The following BCL11A variants were observed in gnomAD, a reference collection of about 807,000 sequenced individuals.
The protein encoded by BCL11A is BCL11 transcription factor A.
A neutral mutation model predicts 55.9 loss-of-function variants in BCL11A; 2 were observed. The observed-to-expected ratio is 0.04, with a 90% CI of 0.01 to 0.11. The LOEUF (loss-of-function observed/expected upper bound fraction) is 0.11. Among genes scored for constraint, BCL11A ranks in the 10% least tolerant of loss-of-function variants. The pLI is 1.00. For missense variants in BCL11A, 817 were observed against 1,137.1 expected (o/e 0.72, Z 4.05); for synonymous variants, 465 against 473.4 (o/e 0.98, Z 0.23).
chr2:60,534,365 A>G (rs1669581937), intron 2 of BCL11A: 1 of 152,248 alleles, frequency 6.6e-6, no homozygotes, highest in African/African-American at 2.4e-5. Flanking sequence ...CTATCTAAAG[A>G]AGAAACCTAA....
At chr2:60,456,060 G>A (rs1237401091), downstream of BCL11A, among the ~76,000 whole-genome samples, 1 of 151,842 alleles carries the variant, frequency 6.6e-6, no homozygotes, top group African/African-American at 2.4e-5. Context: ...ACCCAAACTG[G>A]CTTTTCAGAA....
intron 2 of BCL11A, chr2:60,522,228 A>G (rs894907334): frequency 6.6e-6 from 1 of 152,292 alleles, no homozygotes; most frequent in Non-Finnish European, 1.5e-5. Context: ...GTCTTCTGTA[A>G]CCCTATCGCC....
chr2:60,458,417 G>GT lies in BCL11A; in HGVS notation c.*1986dup, dbSNP rs1220292813. On this transcript the variant is annotated 3_prime_UTR_variant, in exon 4 of 4. Transcript: ENST00000642384. The stretch of plus-strand genomic sequence containing the variant: ...AGTTCCCCCCTAAACATAATGAAGT[G>GT]TTTTTTAAAAAAAATTTTTCTTAAC... 17 of 1,018,906 alleles carry GT rather than the reference G, an allele frequency of 1.7e-5. No individual in the cohort carries two copies. The highest frequency in any genetic ancestry group is 1.0e-4 in the African/African-American group (6 of 58,254). 63.1% of individuals were successfully genotyped at this position (1,018,906 alleles called of 1,614,324 possible). A position where few individuals can be genotyped will look rare whatever the true frequency, so the allele number is the denominator to read the frequency against.
chr2:60,452,412 C>T (rs1572938354), downstream of BCL11A: 2 of 584,670 alleles, frequency 3.4e-6, no homozygotes, highest in South Asian at 2.3e-5. Flanking sequence ...AATAAAATGG[C>T]GCTGCAGGCC....
chr2:60,459,100 T>C lies in BCL11A; in HGVS notation c.*1304A>G, dbSNP rs1279437364. On this transcript the variant is annotated 3_prime_UTR_variant, in exon 4 of 4. Transcript: ENST00000642384. Reference sequence around the variant, plus strand: ...CTTATATACCTGTTCTAGTTTTAAATGGCAAATAGTACCACGTTGTGCTAA... The same window carrying C: ...CTTATATACCTGTTCTAGTTTTAAACGGCAAATAGTACCACGTTGTGCTAA... 9.8e-7 allele frequency: 1 copy of C among 1,020,752 alleles called. No homozygotes were observed. The highest frequency in any genetic ancestry group is 6.4e-5 in the East Asian group (1 of 15,652). The allele number at this position is 1,020,752 out of a possible 1,614,324, so 63.2% of individuals were successfully genotyped here.
At chr2:60,509,876 T>C (rs1679886720) in intron 2 of BCL11A, among the ~76,000 whole-genome samples, 1 of 152,098 alleles carries the variant, frequency 6.6e-6, no homozygotes, top group Non-Finnish European at 1.5e-5. Flanking sequence ...ACACCCATCC[T>C]CTGAGCACCT....
chr2:60,477,787 C>T (rs1677705277), intron 2 of BCL11A, among the ~76,000 whole-genome samples: 1 of 151,914 alleles, frequency 6.6e-6, no homozygotes, highest in South Asian at 2.1e-4. Context: ...GGAGGGCTTT[C>T]CTGACTTATC....
At chr2:60,482,267 C>T (rs1245262096) in intron 2 of BCL11A, among the ~76,000 whole-genome samples, 1 of 151,812 alleles carries the variant, frequency 6.6e-6, no homozygotes, top group Non-Finnish European at 1.5e-5. Flanking sequence ...ATTTCTGTTT[C>T]CTGTTCACGG....
At chr2:60,545,517 A>T (rs1670109023) in intron 2 of BCL11A, 2 of 163,586 alleles carry the variant, frequency 1.2e-5, no homozygotes, top group Non-Finnish European at 1.3e-5. Flanking sequence ...CTTGAGAACG[A>T]GCTGAACCCC....
At chr2:60,453,781 T>C (rs1675821401), downstream of BCL11A, among the ~76,000 whole-genome samples, 2 of 152,244 alleles carry the variant, frequency 1.3e-5, no homozygotes, top group African/African-American at 4.8e-5. Flanking sequence ...GCTCCCGCTT[T>C]AGAGGATACT....
chr2:60,474,469 T>A (rs1302785783), intron 2 of BCL11A, among the ~76,000 whole-genome samples: 1 of 152,216 alleles, frequency 6.6e-6, no homozygotes, highest in Non-Finnish European at 1.5e-5. Context: ...TGGTTAAATT[T>A]AGGGTGTTAA....
intron 1 of BCL11A, among the ~76,000 whole-genome samples, chr2:60,550,169 G>T (rs1036711876): frequency 6.6e-6 from 1 of 152,044 alleles, no homozygotes; most frequent in Non-Finnish European, 1.5e-5. Flanking sequence ...GCCCTAGAGC[G>T]CGCACTCCCG....
At chr2:60,467,177 G>GTGGTGA (rs1676709770) in intron 3 of BCL11A, among the ~76,000 whole-genome samples, 11 of 137,678 alleles carry the variant, frequency 8.0e-5, no homozygotes, top group Admixed American at 5.7e-4. Context: ...GATGGTGGTG[G>GTGGTGA]TGGTGGTGGT....
intron 2 of BCL11A, among the ~76,000 whole-genome samples, chr2:60,504,174 C>A (rs1017285656): frequency 6.6e-6 from 1 of 152,228 alleles, no homozygotes; most frequent in African/African-American, 2.4e-5. Flanking sequence ...AACAGAGATG[C>A]TCAGCCGGGC....
intron 2 of BCL11A, among the ~76,000 whole-genome samples, chr2:60,494,804 G>C (rs1458903704): frequency 1.3e-5 from 2 of 152,314 alleles, no homozygotes; most frequent in East Asian, 3.9e-4. Context: ...GTATTTATTA[G>C]TTACACCTCA....
chr2:60,486,072 A>G (rs555609357), intron 2 of BCL11A, among the ~76,000 whole-genome samples: 1 of 152,302 alleles, frequency 6.6e-6, no homozygotes, highest in African/African-American at 2.4e-5. Flanking sequence ...CAAAATCTCC[A>G]AGCCCCTTGT....
rs773911406 is a variant in BCL11A, at chr2:60,459,576, T to C, written c.*828A>G. ...TTGTGAGAAATACAATATAGAATTA[T>C]ATGCTAGTTCCTAAGGTTTATTACC... On this transcript the variant is annotated 3_prime_UTR_variant, in exon 4 of 4. Transcript: ENST00000642384. The C allele has an allele frequency of 9.7e-6, 10 of 1,026,510 alleles. No individual in the cohort carries two copies. The highest frequency in any genetic ancestry group is 1.2e-5 in the Non-Finnish European group (10 of 854,324). 63.6% of individuals were successfully genotyped at this position (1,026,510 alleles called of 1,614,324 possible).
intron 2 of BCL11A, among the ~76,000 whole-genome samples, chr2:60,498,652 C>G (rs936251209): frequency 6.6e-6 from 1 of 152,222 alleles, no homozygotes; most frequent in African/African-American, 2.4e-5. Context: ...CAGAGGTGAT[C>G]TGACCCCTCT....
chr2:60,494,142 A>G (rs1335700045), intron 2 of BCL11A, among the ~76,000 whole-genome samples: 1 of 152,228 alleles, frequency 6.6e-6, no homozygotes, highest in Non-Finnish European at 1.5e-5. Flanking sequence ...GCACACCTAC[A>G]TTACTTAAGA....
Sources: allele counts gnomAD v4.1 joint callset (sites outside exome capture counted in the v4.1 genomes callset), GRCh38; gene constraint gnomAD v4.1.1; transcripts MANE v1.5; gene names NCBI Gene and HGNC (gene_info 2026-07-23, HGNC 2026-07-21).